The following KCTD16 variants were observed in gnomAD, a reference collection of about 807,000 sequenced individuals.
The protein encoded by KCTD16 is BTB/POZ domain-containing protein KCTD16.
In KCTD16, 13 loss-of-function variants were observed where a neutral mutation model predicts 33.2. The observed-to-expected ratio is 0.39, with a 90% CI of 0.25 to 0.62. The LOEUF (loss-of-function observed/expected upper bound fraction) is 0.62, where lower values mean the gene tolerates loss of function less well. Ranked by LOEUF, KCTD16 falls within the 20% of genes least tolerant of loss-of-function variation. The probability of loss-of-function intolerance (pLI) is 0.50; values close to 1 mark genes in which losing one functional copy is unlikely to be tolerated. For synonymous variants in KCTD16, 197 were observed against 195.3 expected (o/e 1.01, Z -0.07); for missense variants, 441 against 525.1 (o/e 0.84, Z 1.57).
intron 3 of KCTD16, among the ~76,000 whole-genome samples, chr5:144,319,529 C>T (rs144870439): frequency 1.1e-3 from 165 of 152,284 alleles, no homozygotes; most frequent in African/African-American, 3.8e-3. Flanking sequence ...TGATAAATTA[C>T]GTTGGAGCTT....
At chr5:144,345,696 T>TA (rs550383435) in intron 3 of KCTD16, among the ~76,000 whole-genome samples, 25 of 151,646 alleles carry the variant, frequency 1.6e-4, no homozygotes, top group Admixed American at 9.9e-4. Flanking sequence ...CCACAGACAT[T>TA]AAAAAAAAAT....
intron 3 of KCTD16, among the ~76,000 whole-genome samples, chr5:144,230,993 G>A (rs1004289703): frequency 1.3e-5 from 2 of 152,188 alleles, no homozygotes; most frequent in Non-Finnish European, 2.9e-5. Flanking sequence ...CAATGACTTG[G>A]CATGGAGAGC....
chr5:144,420,252 C>G (rs1278648724), intron 3 of KCTD16, among the ~76,000 whole-genome samples: 1 of 152,012 alleles, frequency 6.6e-6, no homozygotes, highest in African/African-American at 2.4e-5. Flanking sequence ...CAGCAGTTTA[C>G]TGGTCGGGGA....
intron 2 of KCTD16, among the ~76,000 whole-genome samples, chr5:144,189,825 T>C (rs1352748668): frequency 6.6e-6 from 1 of 152,172 alleles, no homozygotes; most frequent in Non-Finnish European, 1.5e-5. Flanking sequence ...TTTATGAAGG[T>C]AGTTAAGGTA....
intron 3 of KCTD16, among the ~76,000 whole-genome samples, chr5:144,379,468 G>A (rs886498947): frequency 2.6e-5 from 4 of 152,142 alleles, no homozygotes; most frequent in Admixed American, 2.6e-4. Context: ...ATTACTGATG[G>A]AGGGTTTGGG....
At chr5:144,278,251 C>T (rs1419472235) in intron 3 of KCTD16, among the ~76,000 whole-genome samples, 2 of 151,780 alleles carry the variant, frequency 1.3e-5, no homozygotes, top group Non-Finnish European at 2.9e-5. Flanking sequence ...CGTCAAACAC[C>T]ATTTGTTGAA....
At chr5:144,305,066 C>T (rs1221900429) in intron 3 of KCTD16, among the ~76,000 whole-genome samples, 2 of 138,948 alleles carry the variant, frequency 1.4e-5, no homozygotes, top group Non-Finnish European at 3.0e-5. Flanking sequence ...CTGTCTGATT[C>T]ACCTGACATG....
intron 3 of KCTD16, among the ~76,000 whole-genome samples, chr5:144,412,698 C>T (rs901019277): frequency 5.3e-5 from 8 of 152,182 alleles, no homozygotes; most frequent in Non-Finnish European, 1.0e-4. Flanking sequence ...CCAGCCTGGC[C>T]AACATGATGA....
At chr5:144,243,802 GGCACGATGTT>G (rs1289004502) in intron 3 of KCTD16, among the ~76,000 whole-genome samples, 1 of 151,998 alleles carries the variant, frequency 6.6e-6, no homozygotes, top group East Asian at 1.9e-4. Context: ...GGAGTGCAGT[GGCACGATGTT>G]GGCTCACTGC....
At chr5:144,299,074 T>TATATA (rs1561558226) in intron 3 of KCTD16, among the ~76,000 whole-genome samples, 17 of 49,714 alleles carry the variant, frequency 3.4e-4, no homozygotes, top group Middle Eastern at 7.8e-3. Flanking sequence ...ATATATATAT[T>TATATA]TTTGTATATA....
chr5:144,363,369 T>G (rs940267050), intron 3 of KCTD16, among the ~76,000 whole-genome samples: 1 of 151,806 alleles, frequency 6.6e-6, no homozygotes, highest in Non-Finnish European at 1.5e-5. Flanking sequence ...TTTTTGTATG[T>G]GTGTGTGTGC....
At chr5:144,226,193 T>C (rs776620120) in intron 3 of KCTD16, among the ~76,000 whole-genome samples, 16 of 152,354 alleles carry the variant, frequency 1.1e-4, no homozygotes, top group Non-Finnish European at 1.6e-4. Flanking sequence ...TGATGTTTTC[T>C]CTTTAGAGCA....
chr5:144,327,849 A>C (rs951086154), intron 3 of KCTD16, among the ~76,000 whole-genome samples: 2 of 152,114 alleles, frequency 1.3e-5, no homozygotes, highest in African/African-American at 4.8e-5. Flanking sequence ...CTAATTACAA[A>C]CACTTTGCTG....
chr5:144,420,423 A>T lies in KCTD16; in HGVS notation c.833-53237A>T, dbSNP rs142974874. Among the ~76,000 whole-genome samples, 300 of 152,232 alleles carry T rather than the reference A, an allele frequency of 2.0e-3. 2 individuals carry two copies. Among genetic ancestry groups the T allele is most frequent in the African/African-American group, 6.7e-3 (278 of 41,558 alleles). ...AGTATAATAATAATAGCAATAAAGGAAGTGACATTGACAAACTTGGTGGCT... is the reference window on the plus strand; with the variant it reads ...AGTATAATAATAATAGCAATAAAGGTAGTGACATTGACAAACTTGGTGGCT... On this transcript the variant is annotated intron_variant, in intron 3 of 3. Transcript: ENST00000512467.
chr5:144,294,531 T>C (rs936067494), intron 3 of KCTD16, among the ~76,000 whole-genome samples: 1 of 152,184 alleles, frequency 6.6e-6, no homozygotes, highest in Non-Finnish European at 1.5e-5. Flanking sequence ...TCTGTACTTG[T>C]TATATTAGCA....
At chr5:144,173,106 C>T (rs77889833) in intron 1 of KCTD16, among the ~76,000 whole-genome samples, 5 of 152,284 alleles carry the variant, frequency 3.3e-5, no homozygotes, top group Non-Finnish European at 4.4e-5. Context: ...AAATACCATT[C>T]GACCCAGCAA....
chr5:144,460,653 G>C (rs748778855), intron 3 of KCTD16, among the ~76,000 whole-genome samples: 4 of 152,114 alleles, frequency 2.6e-5, no homozygotes, highest in African/African-American at 4.8e-5. Flanking sequence ...TGTTGGCCAG[G>C]CTGGTCTAAA....
intron 2 of KCTD16, among the ~76,000 whole-genome samples, chr5:144,201,356 A>G (rs1021690972): frequency 6.6e-6 from 1 of 152,190 alleles, no homozygotes; most frequent in Non-Finnish European, 1.5e-5. Flanking sequence ...ATGAATAATA[A>G]ATACATTTAT....
chr5:144,257,264 C>T (rs527241416), intron 3 of KCTD16, among the ~76,000 whole-genome samples: 1 of 152,154 alleles, frequency 6.6e-6, no homozygotes, highest in Non-Finnish European at 1.5e-5. Flanking sequence ...TGTAGTAGAA[C>T]AGTCTCAATT....
Sources: allele counts gnomAD v4.1 joint callset (sites outside exome capture counted in the v4.1 genomes callset), GRCh38; gene constraint gnomAD v4.1.1; transcripts MANE v1.5; gene names NCBI Gene and HGNC (gene_info 2026-07-23, HGNC 2026-07-21).